Variants in CENPI observed in about 807,000 individuals in gnomAD.
The protein encoded by CENPI is FSH primary response 1.
In CENPI, 4 loss-of-function variants were observed where a neutral mutation model predicts 60.4. The observed-to-expected ratio is 0.07, with a 90% CI of 0.03 to 0.15. The LOEUF is 0.15. CENPI is among the 10% of genes least tolerant of loss of function. The pLI, the probability that CENPI is intolerant of heterozygous loss-of-function variation, is 1.00. For missense variants in CENPI, 444 were observed against 534.5 expected, an observed-to-expected ratio of 0.83 and a Z score of 1.67; for synonymous variants, 157 against 189.4, an observed-to-expected ratio of 0.83 and a Z score of 1.40.
chrX:101,116,955 A>G (rs967990291), intron 6 of CENPI, among the ~76,000 whole-genome samples: 1 of 111,319 alleles, frequency 9.0e-6, no homozygotes, highest in Non-Finnish European at 1.9e-5. Flanking sequence ...GCAACTTTTC[A>G]TGTGCTTATT....
At position 101,148,088 on chromosome X, in the gene CENPI, C is replaced by A. The variant is rs992482356; in HGVS notation, c.2021C>A (p.Ala674Asp). Residue 674 changes from alanine to aspartate, a missense_variant, in exon 20 of 22, where the codon GCT becomes GAT. Ala to Asp is a moderately radical substitution (Grantham distance 126). Coordinates refer to ENST00000682095, the MANE Select transcript of CENPI (RefSeq NM_001386188.2). ...DPEILEKTGV[A>D]EYKNSLNVVH... Reference sequence around the variant, plus strand: ...GAAATCCTAGAAAAAACTGGAGTGGCTGAATATAAAAACAGTTTAAATGTA... The same window carrying A: ...GAAATCCTAGAAAAAACTGGAGTGGATGAATATAAAAACAGTTTAAATGTA... 5 of 1,179,798 alleles carry A rather than the reference C, an allele frequency of 4.2e-6. No individual in the cohort carries two copies. Among genetic ancestry groups the A allele is most frequent in the Admixed American group, 2.6e-5 (1 of 38,232 alleles).
intron 8 of CENPI, among the ~76,000 whole-genome samples, 174 bp from the exon 9 acceptor site, chrX:101,126,535 G>A (rs1229484886): frequency 2.7e-5 from 3 of 111,880 alleles, no homozygotes; most frequent in South Asian, 3.7e-4. Context: ...GTTGTTTTAT[G>A]GTGGTTGACT....
intron 4 of CENPI, among the ~76,000 whole-genome samples, chrX:101,103,122 T>A (rs1160680743): frequency 1.9e-5 from 2 of 107,913 alleles, no homozygotes; most frequent in African/African-American, 6.8e-5. Flanking sequence ...GCCTCCCGAG[T>A]AGCTGGGATT....
intron 20 of CENPI, among the ~76,000 whole-genome samples, chrX:101,148,450 G>C (rs188578600): frequency 4.5e-5 from 5 of 111,806 alleles, no homozygotes; most frequent in Non-Finnish European, 9.4e-5. Context: ...AAAGATGGGG[G>C]AGTGATTAGT....
At chrX:101,122,184 G>A (rs1301508893) in intron 8 of CENPI, among the ~76,000 whole-genome samples, 1 of 111,695 alleles carries the variant, frequency 9.0e-6, no homozygotes, top group Non-Finnish European at 1.9e-5. Flanking sequence ...GGTCCTTACA[G>A]CTCTCTGCAT....
chrX:101,117,052 G>A (rs1370540726), intron 6 of CENPI, among the ~76,000 whole-genome samples: 1 of 111,377 alleles, frequency 9.0e-6, no homozygotes, highest in African/African-American at 3.3e-5. Context: ...CTATAGGGTT[G>A]TAAGAGTTCT....
chrX:101,175,805 A>G, the CENPI span, among the ~76,000 whole-genome samples: 1 of 111,747 alleles, frequency 8.9e-6, no homozygotes, highest in Non-Finnish European at 1.9e-5. Context: ...AAACATTTCT[A>G]TTCTAGCTAT....
intron 8 of CENPI, 67 bp from the exon 9 acceptor site, chrX:101,126,642 T>C: frequency 1.2e-6 from 1 of 830,339 alleles, no homozygotes; most frequent in Non-Finnish European, 1.8e-6. Flanking sequence ...TTCCTTCTTA[T>C]TGGTATTTGT....
At position 101,163,157 on chromosome X, in the gene CENPI, T is replaced by A; in HGVS notation, c.*190T>A. The A allele has an allele frequency of 2.6e-6, 1 of 389,363 alleles. No homozygotes were observed. Among genetic ancestry groups the A allele is most frequent in the Middle Eastern group, 6.8e-4 (1 of 1,473 alleles). The allele number at this position is 389,363 out of a possible 1,213,427, so 32.1% of individuals were successfully genotyped here. ...CTAACTGATTTTTCAAAATTTAGAT[T>A]TTTTTAGCCTACCAGTGAAAAATGA... On this transcript the variant is annotated 3_prime_UTR_variant, in exon 22 of 22. Transcript: ENST00000682095.
rs111655217 is a variant in CENPI at position 101,164,170 on chromosome X, C to T, written c.*1203C>T. Reference sequence around the variant, plus strand: ...TTTTTTTCCCCATTTAAAAAACAAACCCTAAACTATATTATTGGATGGCGT... The same window carrying T: ...TTTTTTTCCCCATTTAAAAAACAAATCCTAAACTATATTATTGGATGGCGT... On this transcript the variant is annotated 3_prime_UTR_variant, in exon 22 of 22. Coordinates refer to ENST00000682095, the MANE Select transcript of CENPI (RefSeq NM_001386188.2). 3.6e-4 allele frequency among the ~76,000 whole-genome samples: 40 copies of T among 111,035 alleles called. No homozygotes were observed. The highest frequency in any genetic ancestry group is 1.3e-3 in the African/African-American group (39 of 30,618).
chrX:101,132,917 T>A (rs1304350345), intron 15 of CENPI, among the ~76,000 whole-genome samples: 3 of 111,233 alleles, frequency 2.7e-5, no homozygotes, highest in African/African-American at 9.8e-5. Flanking sequence ...TTTCTGCTAG[T>A]AAAATTGTTC....
rs2148123777 is a variant in CENPI, at chrX:101,101,150, T to C, written c.80T>C (p.Leu27Pro). 8.3e-7 allele frequency: 1 copy of C among 1,211,169 alleles called. No individual in the cohort carries two copies. Among genetic ancestry groups the C allele is most frequent in the East Asian group, 3.0e-5 (1 of 33,823 alleles). ...SQGSSSFQTTLSAWKVKQDPS... is the reference protein window; with the variant it reads ...SQGSSSFQTTPSAWKVKQDPS... ...GGTAGTAGTAGTTTTCAGACCACGC[T>C]TTCAGCCTGGAAAGTAAAACAGGAT... Residue 27 changes from leucine (L) to proline (P), a missense_variant, in exon 3 of 22, where the codon CTT becomes CCT. Leu to Pro is a moderately conservative substitution (Grantham distance 98). Coordinates refer to ENST00000682095, the MANE Select transcript of CENPI (RefSeq NM_001386188.2).
At chrX:101,140,847 T>C in intron 16 of CENPI, 87 bp downstream of exon 16, 1 of 616,315 alleles carries the variant, frequency 1.6e-6, no homozygotes, top group Non-Finnish European at 2.6e-6. Context: ...ACAATTTTTT[T>C]CATGTAAATG....
rs140723144 is a variant in CENPI at position 101,130,283 on chromosome X, A to T, written c.1287+210A>T. ...ACCCCATCTCTACAAAGAATACAAA[A>T]ATTAGCCAGGCATGGTGGCATGCAT... On this transcript the variant is annotated intron_variant, in intron 13 of 21. Coordinates refer to ENST00000682095, the MANE Select transcript of CENPI (RefSeq NM_001386188.2). Among the ~76,000 whole-genome samples, 10 of 110,932 alleles carry T rather than the reference A, an allele frequency of 9.0e-5. No homozygotes were observed. In the East Asian group the frequency reaches 2.8e-3, roughly 31 times the overall value.
intron 8 of CENPI, among the ~76,000 whole-genome samples, chrX:101,121,177 A>G (rs1180888210): frequency 9.0e-6 from 1 of 111,275 alleles, no homozygotes; most frequent in African/African-American, 3.3e-5. Flanking sequence ...CGCCTGGCCT[A>G]TCACTCATTA....
intron 3 of CENPI, among the ~76,000 whole-genome samples, chrX:101,101,988 C>G (rs1168762801): frequency 8.9e-6 from 1 of 112,212 alleles, no homozygotes; most frequent in Non-Finnish European, 1.9e-5. Context: ...ATCCTCCCAT[C>G]TCAGCCTCCT....
At chrX:101,141,252 T>G (rs1051762469) in intron 16 of CENPI, 5 of 111,956 alleles carry the variant, frequency 4.5e-5, no homozygotes, top group African/African-American at 1.6e-4. Flanking sequence ...TGCTTTACCT[T>G]CAAAGTAAAA....
intron 18 of CENPI, among the ~76,000 whole-genome samples, chrX:101,146,746 C>CT (rs934776906): frequency 5.4e-5 from 6 of 110,161 alleles, no homozygotes; most frequent in East Asian, 2.8e-4. Context: ...TAAGCGTAGA[C>CT]TTTTTTTTTG....
chrX:101,118,189 G>T (rs950469967), intron 6 of CENPI, among the ~76,000 whole-genome samples: 1 of 111,651 alleles, frequency 9.0e-6, no homozygotes, highest in Admixed American at 9.6e-5. Context: ...TATAGGTAAG[G>T]TAGAGGTAGT....
Sources: allele counts gnomAD v4.1 joint callset (sites outside exome capture counted in the v4.1 genomes callset), GRCh38; gene constraint gnomAD v4.1.1; transcripts MANE v1.5; gene names NCBI Gene and HGNC (gene_info 2026-07-23, HGNC 2026-07-21).